Variants in ARL10 observed in about 807,000 individuals in gnomAD.
The protein encoded by ARL10 is ADP-ribosylation factor-like protein 10.
ARL10 carries 23 observed loss-of-function variants against 26.1 expected under a neutral mutation model. The ratio of observed to expected loss-of-function variants is 0.88; its 90% CI spans 0.63 to 1.25. The LOEUF (loss-of-function observed/expected upper bound fraction) is 1.25. Among genes scored for constraint, ARL10 ranks in the 50% most tolerant of loss-of-function variants. The pLI is 0.00. For synonymous variants in ARL10, 138 were observed against 149.1 expected (o/e 0.93, Z 0.54); for missense variants, 300 against 323.6 (o/e 0.93, Z 0.56).
chr5:176,381,481 G>C lies in ARL10; in HGVS notation c.*9586G>C. The C allele has an allele frequency of 6.6e-6, 1 of 152,230 alleles. No individual in the cohort carries two copies. 9.4% of individuals were successfully genotyped at this position (152,230 alleles called of 1,614,324 possible). On this transcript the variant is annotated 3_prime_UTR_variant, in exon 4 of 4. Transcript: ENST00000310389. ...AGAGCAGAAAAGGGTTCATGAACCA[G>C]GTAGTGCTCAGGACCAAAAGCGATG...
downstream of ARL10, among the ~76,000 whole-genome samples, chr5:176,389,154 T>C (rs1235558868): frequency 6.6e-6 from 1 of 151,798 alleles, no homozygotes; most frequent in East Asian, 1.9e-4. Flanking sequence ...GGGGGCGGGA[T>C]TTGGGGCCTA....
rs1468212058 is a variant in ARL10, at chr5:176,371,997, T to C, written c.*102T>C. The C allele has an allele frequency of 8.1e-6, 12 of 1,485,900 alleles. No homozygotes were observed. The highest frequency in any genetic ancestry group is 1.4e-5 in the African/African-American group (1 of 71,218). The allele number at this position is 1,485,900 out of a possible 1,614,324, so 92.0% of individuals were successfully genotyped here. Reference sequence around the variant, plus strand: ...TGGGGCAAGAGCCACATGGCAGCATTTCCCTTTTCCCCTCCTTTGCCTTTC... The same window carrying C: ...TGGGGCAAGAGCCACATGGCAGCATCTCCCTTTTCCCCTCCTTTGCCTTTC... On this transcript the variant is annotated 3_prime_UTR_variant, in exon 4 of 4. Coordinates refer to ENST00000310389, the MANE Select transcript of ARL10 (RefSeq NM_173664.6).
rs146807451 is a variant in ARL10 at position 176,376,234 on chromosome 5, C to G, written c.*4339C>G. 2.6e-5 allele frequency: 4 copies of G among 152,032 alleles called. No individual in the cohort carries two copies. The highest frequency in any genetic ancestry group is 6.5e-5 in the Admixed American group (1 of 15,268). 9.4% of individuals were successfully genotyped at this position (152,032 alleles called of 1,614,324 possible). A position where few individuals can be genotyped will look rare whatever the true frequency, so the allele number is the denominator to read the frequency against. ...AAAATCAGCTGGGTGTGACGGCATGCGCCTGTAGTCCCACCTACTAGGGAG... is the reference window on the plus strand; with the variant it reads ...AAAATCAGCTGGGTGTGACGGCATGGGCCTGTAGTCCCACCTACTAGGGAG... On this transcript the variant is annotated 3_prime_UTR_variant, in exon 4 of 4. Coordinates refer to ENST00000310389, the MANE Select transcript of ARL10 (RefSeq NM_173664.6).
intron 1 of ARL10, among the ~76,000 whole-genome samples, chr5:176,394,704 A>C (rs1421012804): frequency 2.0e-5 from 3 of 151,968 alleles, no homozygotes; most frequent in African/African-American, 7.3e-5. Flanking sequence ...AGTCCCAGCT[A>C]CTCAGGAGGC....
rs1768301092 is a variant in ARL10, at chr5:176,366,364, C to T, written c.184-16C>T. 1 of 1,599,042 alleles carries T rather than the reference C, an allele frequency of 6.3e-7. No individual in the cohort carries two copies. Among genetic ancestry groups the T allele is most frequent in the South Asian group, 1.1e-5 (1 of 89,804 alleles). ...GGGAGGCCGCCAGCCGCAACCTTAC[C>T]TCCGCTTCCCCGCAGCCCGAGGACG... On this transcript the variant is annotated splice_polypyrimidine_tract_variant and intron_variant, in intron 1 of 3. Transcript: ENST00000310389.
rs918196230 is a variant in ARL10 at position 176,376,423 on chromosome 5, T to C, written c.*4528T>C. The C allele has an allele frequency of 2.6e-5, 4 of 151,720 alleles. No homozygotes were observed. Among genetic ancestry groups the C allele is most frequent in the African/African-American group, 9.7e-5 (4 of 41,248 alleles). The allele number at this position is 151,720 out of a possible 1,614,324, so 9.4% of individuals were successfully genotyped here. On this transcript the variant is annotated 3_prime_UTR_variant, in exon 4 of 4. Coordinates refer to ENST00000310389, the MANE Select transcript of ARL10 (RefSeq NM_173664.6). ...TCCTTTGGGGTTTCAGGGTGACTTA[T>C]TGGGAAAATGGAGAGATACTGGCAT... is the stretch of plus-strand genomic sequence containing the variant.
At chr5:176,408,807 G>T in the ARL10 span, among the ~76,000 whole-genome samples, 142 of 152,266 alleles carry the variant, frequency 9.3e-4, no homozygotes, top group South Asian at 4.8e-3. Flanking sequence ...GGCGTAAGCC[G>T]CCGTGCCCGG....
exon 2 of ARL10, chr5:176,388,405 C>G: frequency 6.2e-7 from 1 of 1,613,092 alleles, no homozygotes; most frequent in Non-Finnish European, 8.5e-7. Flanking sequence ...CCGAGGCCCA[C>G]GGCCACCCGG....
chr5:176,396,618 G>C, intron 1 of ARL10: 1 of 951,670 alleles, frequency 1.1e-6, no homozygotes, highest in Non-Finnish European at 1.7e-6. Flanking sequence ...GAGAGAGAGA[G>C]AGAGACAGCA....
In ARL10 at chr5:176,376,673, G is replaced by A. The variant is rs1436780416; in HGVS notation, c.*4778G>A. 1 of 152,202 alleles carries A rather than the reference G, an allele frequency of 6.6e-6. No homozygotes were observed. Among genetic ancestry groups the A allele is most frequent in the African/African-American group, 2.4e-5 (1 of 41,446 alleles). The allele number at this position is 152,202 out of a possible 1,614,324, so 9.4% of individuals were successfully genotyped here. A position where few individuals can be genotyped will look rare whatever the true frequency, so the allele number is the denominator to read the frequency against. ...TCTTCATCCACATCTAGGGAAAGCT[G>A]TTCATGTCTAGGACGTGATCTGCTT... On this transcript the variant is annotated 3_prime_UTR_variant, in exon 4 of 4. Transcript: ENST00000310389.
chr5:176,389,197 C>G (rs955629782), downstream of ARL10: 22 of 1,168,362 alleles, frequency 1.9e-5, no homozygotes, highest in Non-Finnish European at 2.6e-5. Context: ...AGGAAGACCT[C>G]GACTCGACCT....
At chr5:176,366,234 G>T (rs1015858654) in intron 1 of ARL10, 146 bp from the exon 2 acceptor site, 2 of 909,288 alleles carry the variant, frequency 2.2e-6, no homozygotes, top group Non-Finnish European at 3.2e-6. Context: ...CTGCAAAGGC[G>T]GCGTTCGTCC....
downstream of ARL10, chr5:176,384,204 G>T (rs750853557): frequency 6.2e-6 from 10 of 1,614,130 alleles, no homozygotes; most frequent in Admixed American, 6.7e-5. Context: ...GGACGCCTCA[G>T]CCTGGGGCAG....
At chr5:176,388,602 A>C (rs564912122) in exon 2 of ARL10, 8 of 1,490,366 alleles carry the variant, frequency 5.4e-6, no homozygotes, top group South Asian at 1.2e-5. Flanking sequence ...CTCGTGTAAC[A>C]AACTCCTTCC....
downstream of ARL10, among the ~76,000 whole-genome samples, chr5:176,383,238 C>G (rs1755595302): frequency 6.6e-6 from 1 of 152,238 alleles, no homozygotes. Context: ...ACCAAGCCCT[C>G]CTTTTTGAGA....
chr5:176,385,746 G>A (rs1480937807), downstream of ARL10, among the ~76,000 whole-genome samples: 3 of 152,228 alleles, frequency 2.0e-5, 1 homozygote, highest in Non-Finnish European at 4.4e-5. Context: ...CATGAAATGG[G>A]ACGGTCTAAA....
At position 176,388,189 on chromosome 5, in the gene ARL10, G is replaced by C. The variant is rs746987248; in HGVS notation, c.37-106G>C. ...TCTGACACCTAGGTCAGTATGGCGG[G>C]GGAAGAGTAAAGAAGACAAGGACCG... On this transcript the variant is annotated intron_variant, in intron 1 of 1. Transcript: ENST00000503175. 4.3e-6 allele frequency: 6 copies of C among 1,400,294 alleles called. No individual in the cohort carries two copies. In the African/African-American group the frequency reaches 8.5e-5, roughly 20 times the overall value. The allele number at this position is 1,400,294 out of a possible 1,614,324, so 86.7% of individuals were successfully genotyped here.
downstream of ARL10, chr5:176,389,474 A>G (rs753207980): frequency 6.2e-7 from 1 of 1,613,826 alleles, no homozygotes; most frequent in South Asian, 1.1e-5. Flanking sequence ...TCTGGCTGTC[A>G]CTGCTATGAA....
chr5:176,378,964 T>C lies in ARL10; in HGVS notation c.*7069T>C, dbSNP rs1366561668. 6.6e-6 allele frequency: 1 copy of C among 151,990 alleles called. No homozygotes were observed. The highest frequency in any genetic ancestry group is 1.5e-5 in the Non-Finnish European group (1 of 68,014). 9.4% of individuals were successfully genotyped at this position (151,990 alleles called of 1,614,324 possible). On this transcript the variant is annotated 3_prime_UTR_variant, in exon 4 of 4. Transcript: ENST00000310389. Reference sequence around the variant, plus strand: ...GAAAAATGCTGGGTTTGACTGGAATTTAATAGACTTTCCACAGCACGTGGA... The same window carrying C: ...GAAAAATGCTGGGTTTGACTGGAATCTAATAGACTTTCCACAGCACGTGGA...
Sources: allele counts gnomAD v4.1 joint callset (sites outside exome capture counted in the v4.1 genomes callset), GRCh38; gene constraint gnomAD v4.1.1; transcripts MANE v1.5; gene names NCBI Gene and HGNC (gene_info 2026-07-23, HGNC 2026-07-21).